The following RP2 variants were observed in gnomAD, a reference collection of about 807,000 sequenced individuals.
RP2 encodes RP2 activator of ARL3 GTPase, also known as protein XRP2.
Under a neutral mutation model 20.3 loss-of-function variants are expected in RP2, and 3 were observed. That is an observed-to-expected ratio of 0.15 (90% CI 0.07 to 0.38). The LOEUF (loss-of-function observed/expected upper bound fraction) is 0.38, where lower values mean the gene tolerates loss of function less well. Ranked by LOEUF, RP2 falls within the 10% of genes least tolerant of loss-of-function variation. The pLI is 1.00. For synonymous variants in RP2, 75 were observed against 94.8 expected (o/e 0.79, Z 1.22); for missense variants, 233 against 268.5 (o/e 0.87, Z 0.92).
chrX:46,844,267 G>A lies in RP2; in HGVS notation c.102+7065G>A, dbSNP rs111359600. Among the ~76,000 whole-genome samples, 366 of 110,663 alleles carry A rather than the reference G, an allele frequency of 3.3e-3. 1 individual carries two copies. Among genetic ancestry groups the A allele is most frequent in the African/African-American group, 0.012 (353 of 30,396 alleles). On this transcript the variant is annotated intron_variant, in intron 1 of 4. Transcript: ENST00000218340. ...ATATGTATGCATGTGCCATGTTGGT[G>A]TGCTGTACCCATTAACTTGTCATTT... is the stretch of plus-strand genomic sequence containing the variant.
intron 3 of RP2, among the ~76,000 whole-genome samples, chrX:46,864,421 A>C (rs1925131074): frequency 1.0e-5 from 1 of 98,965 alleles, no homozygotes; most frequent in African/African-American, 3.9e-5. Context: ...ATCTCGGCTC[A>C]CTGCAAACCC....
chrX:46,878,096 C>T (rs782592022), intron 4 of RP2, among the ~76,000 whole-genome samples: 4 of 110,280 alleles, frequency 3.6e-5, no homozygotes, highest in Non-Finnish European at 5.7e-5. Flanking sequence ...ACATGTAGGC[C>T]GGGCGCGGTG....
intron 3 of RP2, among the ~76,000 whole-genome samples, chrX:46,862,470 C>A (rs1302230826): frequency 9.0e-6 from 1 of 110,668 alleles, no homozygotes; most frequent in East Asian, 2.9e-4. Flanking sequence ...ACCATCCTGG[C>A]TAACACGGTG....
intron 1 of RP2, among the ~76,000 whole-genome samples, chrX:46,840,506 G>A (rs372866821): frequency 8.9e-6 from 1 of 112,809 alleles, no homozygotes; most frequent in East Asian, 2.8e-4. Flanking sequence ...TTACACTGAT[G>A]TGATGAGAAA....
intron 3 of RP2, among the ~76,000 whole-genome samples, chrX:46,875,064 A>C (rs1013225954): frequency 9.0e-5 from 10 of 110,923 alleles, no homozygotes; most frequent in African/African-American, 3.3e-4. Flanking sequence ...GCAGGAATAC[A>C]TAGATGGTAC....
In RP2 at chrX:46,877,580, A is replaced by G. The variant is rs570601769; in HGVS notation, c.959A>G (p.Asn320Ser). Residue 320 changes from asparagine to serine, a missense_variant, in exon 4 of 5, where the codon AAT becomes AGT. This residue lies in a region of RP2 where 118 missense variants were observed against 123.8 expected (regional missense o/e 0.95). Transcript: ENST00000218340. ...VCQLIVNEIF[N>S]GTKMFVSESK... ...CAACTTATTGTAAACGAGATATTCA[A>G]TGGGACCAAGGTACAAGATTTTATT... The G allele has an allele frequency of 2.1e-5, 25 of 1,170,127 alleles. No individual in the cohort carries two copies. The Middle Eastern group carries it at 1.2e-3, about 55-fold the overall frequency.
At chrX:46,860,735 A>G (rs1470637665) in intron 3 of RP2, among the ~76,000 whole-genome samples, 1 of 111,540 alleles carries the variant, frequency 9.0e-6, no homozygotes, top group Non-Finnish European at 1.9e-5. Flanking sequence ...ATCTGTTCAG[A>G]GTGGGGCCAT....
In RP2 at chrX:46,847,767, T is replaced by C. The variant is rs7063776; in HGVS notation, c.103-5709T>C. ...ATATGTGTGTGTGTATATACACACATGTGTGTGTGTACATACACACATGTG... is the reference window on the plus strand; with the variant it reads ...ATATGTGTGTGTGTATATACACACACGTGTGTGTGTACATACACACATGTG... On this transcript the variant is annotated intron_variant, in intron 1 of 4. Coordinates refer to ENST00000218340, the MANE Select transcript of RP2 (RefSeq NM_006915.3). 3.1e-4 allele frequency among the ~76,000 whole-genome samples: 21 copies of C among 68,502 alleles called. 1 individual carries two copies. Among genetic ancestry groups the C allele is most frequent in the Middle Eastern group, 0.013 (2 of 149 alleles). 59.5% of individuals were successfully genotyped at this position (68,502 alleles called of 115,157 possible).
chrX:46,864,017 A>G (rs1556321346), intron 3 of RP2, among the ~76,000 whole-genome samples: 1 of 111,876 alleles, frequency 8.9e-6, no homozygotes, highest in African/African-American at 3.2e-5. Context: ...TGCTTTTAAA[A>G]ATGTAAATTT....
Position 46,853,996 on chromosome X carries a change from A to C in RP2, c.623A>C (p.Lys208Thr), listed in dbSNP as rs782302711. The change falls in exon 2 of 5, where the codon AAA becomes ACA. Residue 208 changes from lysine (K) to threonine (T), a missense_variant. Transcript: ENST00000218340. ...YVPIPTTEEL[K>T]AVRVSTEANR... ...CCTATACCTACTACCGAAGAGCTCA[A>C]AGCTGTTCGTGTTTCCACAGAAGCC... 4.0e-5 allele frequency: 48 copies of C among 1,211,903 alleles called. No individual in the cohort carries two copies. Among genetic ancestry groups the C allele is most frequent in the Non-Finnish European group, 5.0e-5 (45 of 895,493 alleles).
chrX:46,839,564 AT>A (rs781959964), intron 1 of RP2, among the ~76,000 whole-genome samples: 4 of 110,988 alleles, frequency 3.6e-5, no homozygotes, highest in East Asian at 5.6e-4. Flanking sequence ...AAAAAAAAAA[AT>A]AAATAAATAA....
intron 2 of RP2, among the ~76,000 whole-genome samples, chrX:46,854,812 C>T (rs781820179): frequency 6.1e-4 from 67 of 110,110 alleles, no homozygotes; most frequent in African/African-American, 2.1e-3. Flanking sequence ...GTCACCCAGC[C>T]GGAGTGCAGT....
intron 3 of RP2, among the ~76,000 whole-genome samples, chrX:46,876,590 G>A (rs961458670): frequency 4.5e-5 from 5 of 110,827 alleles, no homozygotes; most frequent in African/African-American, 1.6e-4. Flanking sequence ...TGCCTTTTCT[G>A]TATTTGTTGC....
At position 46,881,826 on chromosome X, in the gene RP2, TTTTG is replaced by T. The variant is rs1556328816; in HGVS notation, c.*2061_*2064del. On this transcript the variant is annotated 3_prime_UTR_variant, in exon 5 of 5. Transcript: ENST00000218340. The stretch of plus-strand genomic sequence containing the variant: ...TCACATTTCAAATAATAACAATACT[TTTTG>T]TTTTTCAAAAATAAAATGCAATGTT... 8.9e-6 allele frequency: 1 copy of T among 111,745 alleles called. No individual in the cohort carries two copies. Among genetic ancestry groups the T allele is most frequent in the Admixed American group, 9.6e-5 (1 of 10,428 alleles). The allele number at this position is 111,745 out of a possible 1,213,427, so 9.2% of individuals were successfully genotyped here.
chrX:46,850,579 G>A (rs1556317921), intron 1 of RP2, among the ~76,000 whole-genome samples: 1 of 111,730 alleles, frequency 9.0e-6, no homozygotes. Flanking sequence ...ACTACTTTCA[G>A]TTTTCCTCCT....
chrX:46,837,249 C>T (rs782288644), intron 1 of RP2, 47 bp downstream of exon 1: 2 of 1,108,826 alleles, frequency 1.8e-6, no homozygotes, highest in Non-Finnish European at 2.4e-6. Context: ...TGAGCCGCTC[C>T]GCCAGGTCCC....
chrX:46,862,848 A>G (rs781920374), intron 3 of RP2, among the ~76,000 whole-genome samples: 2 of 112,182 alleles, frequency 1.8e-5, no homozygotes, highest in East Asian at 5.6e-4. Flanking sequence ...ACACAACATC[A>G]TATGTAGAGT....
intron 1 of RP2, among the ~76,000 whole-genome samples, chrX:46,839,707 A>G (rs1250400349): frequency 2.7e-5 from 3 of 111,999 alleles, no homozygotes; most frequent in Non-Finnish European, 3.8e-5. Context: ...TTGTACCTTA[A>G]AAGGAACAGA....
chrX:46,849,031 G>GA (rs1322178203), intron 1 of RP2, among the ~76,000 whole-genome samples: 18 of 104,223 alleles, frequency 1.7e-4, no homozygotes, highest in Middle Eastern at 4.9e-3. Flanking sequence ...CCCTGTGTCA[G>GA]AAAAAAAAAA....
Sources: allele counts gnomAD v4.1 joint callset (sites outside exome capture counted in the v4.1 genomes callset), GRCh38; gene constraint gnomAD v4.1.1; regional missense constraint gnomAD v4.1.1; transcripts MANE v1.5; gene names NCBI Gene and HGNC (gene_info 2026-07-23, HGNC 2026-07-21).